The following FN1 variants were observed in gnomAD, a reference collection of about 807,000 sequenced individuals.
FN1 encodes fibronectin 1, also known as fibronectin.
A neutral mutation model predicts 297.3 loss-of-function variants in FN1; 106 were observed. The ratio of observed to expected loss-of-function variants is 0.36; its 90% CI spans 0.30 to 0.42. The LOEUF is 0.42. Among genes scored for constraint, FN1 ranks in the 10% least tolerant of loss-of-function variants. The pLI is 1.00. For synonymous variants in FN1, 1,149 were observed against 1,152.6 expected (o/e 1.00, Z 0.06); for missense variants, 2,690 against 3,124.9 (o/e 0.86, Z 3.32).
chr2:215,379,263 C>T lies in FN1; in HGVS notation c.5489G>A (p.Ser1830Asn). 1 of 1,614,060 alleles carries T rather than the reference C, an allele frequency of 6.2e-7. No individual in the cohort carries two copies. Among genetic ancestry groups the T allele is most frequent in the East Asian group, 2.2e-5 (1 of 44,868 alleles). ...AACATTGGGTGGTGTCCACTGGGCG[C>T]TCAGGCTTGTGGGTGTGACCTGAGT... Reference protein sequence around the residue: ...KFTQVTPTSLSAQWTPPNVQL... With the variant: ...KFTQVTPTSLNAQWTPPNVQL... Residue 1830 changes from serine to asparagine, a missense_variant, in exon 34 of 46, where the codon AGC becomes AAC. This residue lies in a region of FN1 where 1,743 missense variants were observed against 1,945.2 expected (regional missense o/e 0.90). Transcript: ENST00000354785.
chr2:215,375,080 A>G (rs2057023785), intron 38 of FN1, 134 bp downstream of exon 38: 1 of 906,750 alleles, frequency 1.1e-6, no homozygotes, highest in Non-Finnish European at 1.8e-6. Flanking sequence ...TACACAGAGA[A>G]TGCTTTTTGA....
Position 215,424,054 on chromosome 2 carries a change from G to A in FN1, c.1216+92C>T, listed in dbSNP as rs71428385. 67,285 of 1,313,544 alleles carry A rather than the reference G, an allele frequency of 0.051. 2,145 individuals are homozygous for A. Among genetic ancestry groups the A allele is most frequent in the Non-Finnish European group, 0.064 (58,271 of 909,590 alleles). 81.4% of individuals were successfully genotyped at this position (1,313,544 alleles called of 1,614,324 possible). ...AACAAAAGCGATGCTTCTTGGGCGG[G>A]TTCAAAATAAATGGCTAGAATGCTG... On this transcript the variant is annotated intron_variant, in intron 8 of 45. Transcript: ENST00000354785.
chr2:215,379,101 T>C, intron 34 of FN1, 29 bp downstream of exon 34: 8 of 1,594,514 alleles, frequency 5.0e-6, no homozygotes, highest in Non-Finnish European at 6.9e-6. Flanking sequence ...TCTCCATCTT[T>C]ATTCCAATGA....
At chr2:215,387,066 C>G in intron 27 of FN1, 108 bp from the exon 28 acceptor site, 1 of 953,858 alleles carries the variant, frequency 1.0e-6, no homozygotes, top group Non-Finnish European at 1.6e-6. Flanking sequence ...ACATTTCGTT[C>G]CTGTCTCATC....
At chr2:215,427,397 CAT>C (rs1389782050) in intron 6 of FN1, among the ~76,000 whole-genome samples, 2 of 152,148 alleles carry the variant, frequency 1.3e-5, no homozygotes, top group African/African-American at 2.4e-5. Context: ...TTAATCAAAA[CAT>C]ATTAAAAATA....
At chr2:215,379,603 T>TAA in intron 33 of FN1, 10 of 285,032 alleles carry the variant, frequency 3.5e-5, no homozygotes, top group Non-Finnish European at 5.2e-5. Flanking sequence ...TGCTTTCCCT[T>TAA]AAAAAAAAAA....
At chr2:215,416,358 G>C (rs377471343) in intron 12 of FN1, among the ~76,000 whole-genome samples, 3 of 152,082 alleles carry the variant, frequency 2.0e-5, no homozygotes, top group Non-Finnish European at 4.4e-5. Context: ...GAACACACAG[G>C]ATGTTTGTTT....
intron 10 of FN1, chr2:215,421,397 T>C (rs2064323851): frequency 5.6e-6 from 1 of 178,566 alleles, no homozygotes; most frequent in Admixed American, 5.5e-5. Flanking sequence ...TAGAGTGAGG[T>C]CTCTATGTGT....
intron 20 of FN1, among the ~76,000 whole-genome samples, chr2:215,403,179 A>G (rs1017816091): frequency 6.6e-6 from 1 of 152,216 alleles, no homozygotes; most frequent in African/African-American, 2.4e-5. Context: ...GTAAAATTTT[A>G]GCCAAATTTT....
At chr2:215,366,645 C>T (rs1480726571) in intron 42 of FN1, among the ~76,000 whole-genome samples, 1 of 152,158 alleles carries the variant, frequency 6.6e-6, no homozygotes, top group Non-Finnish European at 1.5e-5. Context: ...TAACAATATA[C>T]TACTTTTTCC....
intron 26 of FN1, among the ~76,000 whole-genome samples, chr2:215,391,162 A>G (rs2059662594): frequency 1.3e-5 from 2 of 152,202 alleles, no homozygotes; most frequent in African/African-American, 2.4e-5. Flanking sequence ...TCTCTTCACA[A>G]CAACATTCTA....
Position 215,373,339 on chromosome 2 carries a change from A to G in FN1, c.6230T>C (p.Ile2077Thr). Residue 2077 changes from isoleucine (I) to threonine (T), a missense_variant, in exon 39 of 46, where the codon ATT becomes ACT. Coordinates refer to ENST00000354785, the MANE Select transcript of FN1 (RefSeq NM_212482.4). ...ACTCTTACCTGTCTTTTTCCTTCCAATCAGGGGCTCGCTCTTCTGATTATT... is the reference window on the plus strand; with the variant it reads ...ACTCTTACCTGTCTTTTTCCTTCCAGTCAGGGGCTCGCTCTTCTGATTATT... ...LKNNQKSEPL[I>T]GRKKTDELPQ... The G allele has an allele frequency of 1.9e-6, 3 of 1,613,332 alleles. No individual in the cohort carries two copies. Among genetic ancestry groups the G allele is most frequent in the Non-Finnish European group, 2.5e-6 (3 of 1,179,494 alleles).
chr2:215,362,931 G>T (rs930130989), intron 44 of FN1: 3 of 152,406 alleles, frequency 2.0e-5, no homozygotes, highest in African/African-American at 7.2e-5. Flanking sequence ...AGCCCCTGAA[G>T]CCGGTGGGTC....
intron 44 of FN1, 42 bp from the exon 45 acceptor site, chr2:215,362,121 A>G: frequency 7.0e-7 from 1 of 1,421,932 alleles, no homozygotes; most frequent in Non-Finnish European, 9.9e-7. Context: ...GTTTATGATA[A>G]CCTGAGGACA....
Position 215,428,242 on chromosome 2 carries a change from G to A in FN1, c.782C>T (p.Thr261Ile). 2 of 1,614,218 alleles carry A rather than the reference G, an allele frequency of 1.2e-6. No individual in the cohort carries two copies. Among genetic ancestry groups the A allele is most frequent in the East Asian group, 2.2e-5 (1 of 44,890 alleles). The change falls in exon 6 of 46, where the codon ACA (threonine) becomes ATA (isoleucine). Residue 261 changes from threonine to isoleucine, a missense_variant. Around this residue, in one of 3 missense-constraint regions of FN1, gnomAD observed 876 missense variants for 1,058.1 expected, o/e 0.83. Transcript: ENST00000354785. ...CTTCCACTCTCCTCGGCCGTTGCCT[G>A]TGCAGATGCACTGGAGCAGGTTTCC... is the stretch of plus-strand genomic sequence containing the variant. ...NRGNLLQCICTGNGRGEWKCE... is the reference protein window; with the variant it reads ...NRGNLLQCICIGNGRGEWKCE...
At chr2:215,370,209 G>A (rs1208706824) in intron 41 of FN1, 85 bp downstream of exon 41, 1 of 1,374,892 alleles carries the variant, frequency 7.3e-7, no homozygotes. Flanking sequence ...AAAGACAATG[G>A]CAACAAAGGT....
intron 18 of FN1, among the ~76,000 whole-genome samples, chr2:215,406,716 A>G (rs186408418): frequency 6.6e-6 from 1 of 152,324 alleles, no homozygotes; most frequent in Admixed American, 6.5e-5. Flanking sequence ...AATAGGTAAT[A>G]AGTGAGTTAC....
chr2:215,391,884 A>G, intron 25 of FN1, 70 bp from the exon 26 acceptor site: 4 of 1,331,864 alleles, frequency 3.0e-6, no homozygotes, highest in East Asian at 2.3e-5. Context: ...GTAGCTGGAA[A>G]GGTAAAATCA....
At position 215,428,054 on chromosome 2, in the gene FN1, A is replaced by G. The variant is rs6728950; in HGVS notation, c.844+126T>C. On this transcript the variant is annotated intron_variant, in intron 6 of 45. Transcript: ENST00000354785. Reference sequence around the variant, plus strand: ...TTTAACAACCAATAATGTGTAAATTATCTTAGGTTATTAGCTGAAACACTG... The same window carrying G: ...TTTAACAACCAATAATGTGTAAATTGTCTTAGGTTATTAGCTGAAACACTG... 4,430 of 1,165,722 alleles carry G rather than the reference A, an allele frequency of 3.8e-3. 125 individuals are homozygous for G. In the African/African-American group the frequency reaches 0.059, roughly 16 times the overall value. 72.2% of individuals were successfully genotyped at this position (1,165,722 alleles called of 1,614,324 possible). A position where few individuals can be genotyped will look rare whatever the true frequency, so the allele number is the denominator to read the frequency against.
Sources: gnomAD v4.1 joint callset for allele counts (sites outside exome capture counted in the v4.1 genomes callset) on GRCh38, gnomAD v4.1.1 for gene constraint, gnomAD v4.1.1 regional missense constraint, MANE v1.5 for transcripts, NCBI Gene and HGNC (gene_info 2026-07-23, HGNC 2026-07-21) for gene names.